The following USH2A variants were observed in gnomAD, a reference collection of about 807,000 sequenced individuals.
USH2A encodes usherin.
In USH2A, 443 loss-of-function variants were observed where a neutral mutation model predicts 538.9. That is an observed-to-expected ratio of 0.82 (90% CI 0.76 to 0.89). The LOEUF (loss-of-function observed/expected upper bound fraction) is 0.89. Among genes scored for constraint, USH2A ranks in the 40% least tolerant of loss-of-function variants. The probability of loss-of-function intolerance (pLI) is 0.00; values close to 1 mark genes in which losing one functional copy is unlikely to be tolerated. For missense variants in USH2A, 6,633 were observed against 6,324.8 expected (o/e 1.05, Z -1.65); for synonymous variants, 2,413 against 2,273.5 (o/e 1.06, Z -1.75).
intron 11 of USH2A, among the ~76,000 whole-genome samples, chr1:216,279,210 A>C (rs1435372784): frequency 6.6e-6 from 1 of 152,128 alleles, no homozygotes; most frequent in Non-Finnish European, 1.5e-5. Flanking sequence ...TGGTTTTCAC[A>C]CAACTTTTTA....
chr1:215,796,249 A>G (rs1337695682), intron 50 of USH2A, among the ~76,000 whole-genome samples: 1 of 151,668 alleles, frequency 6.6e-6, no homozygotes, highest in Admixed American at 6.6e-5. Context: ...GATTTACTGC[A>G]CTTTGCAGAG....
Position 216,046,458 on chromosome 1 carries a change from C to T in USH2A, c.6298G>A (p.Gly2100Ser), listed in dbSNP as rs1253109400. The T allele has an allele frequency of 3.1e-6, 5 of 1,613,578 alleles. No individual in the cohort carries two copies. The highest frequency in any genetic ancestry group is 4.2e-6 in the Non-Finnish European group (5 of 1,179,640). The stretch of plus-strand genomic sequence containing the variant: ...GTGACTATGTAGTTCTCCTCACTGC[C>T]TGAATAGATCAGCCTCCCATCCATG... ...LYMDGRLIYS[G>S]SEENYIVTDL... The change falls in exon 32 of 72, where the codon GGC becomes AGC. Residue 2100 changes from glycine (G) to serine (S), a missense_variant. Gly to Ser is a moderately conservative substitution (Grantham distance 56). Coordinates refer to ENST00000307340, the MANE Select transcript of USH2A (RefSeq NM_206933.4).
At chr1:216,091,343 A>G (rs966883620) in intron 22 of USH2A, among the ~76,000 whole-genome samples, 1 of 152,226 alleles carries the variant, frequency 6.6e-6, no homozygotes, top group Non-Finnish European at 1.5e-5. Flanking sequence ...TATTTAAGGG[A>G]TAAACATAGA....
chr1:216,273,742 T>G (rs946787430), intron 11 of USH2A, among the ~76,000 whole-genome samples: 1 of 151,728 alleles, frequency 6.6e-6, no homozygotes, highest in African/African-American at 2.4e-5. Context: ...CAATTTCTAC[T>G]TAGTTTTGGC....
At chr1:216,184,656 A>G (rs1440799831) in intron 20 of USH2A, among the ~76,000 whole-genome samples, 1 of 151,956 alleles carries the variant, frequency 6.6e-6, no homozygotes, top group African/African-American at 2.4e-5. Flanking sequence ...TTATGAATAA[A>G]AAGGTAGAAA....
intron 38 of USH2A, 162 bp from the exon 39 acceptor site, chr1:215,901,067 C>G: frequency 1.2e-6 from 1 of 862,508 alleles, no homozygotes; most frequent in Non-Finnish European, 1.8e-6. Flanking sequence ...AACTCCTGTA[C>G]TTCCTTATTG....
At chr1:216,337,097 A>G (rs990170288) in intron 4 of USH2A, among the ~76,000 whole-genome samples, 2 of 151,522 alleles carry the variant, frequency 1.3e-5, no homozygotes, top group African/African-American at 4.8e-5. Context: ...AATAGCAGCC[A>G]GAGACAGATC....
intron 55 of USH2A, among the ~76,000 whole-genome samples, chr1:215,772,284 A>T (rs1019762491): frequency 6.6e-6 from 1 of 152,238 alleles, no homozygotes; most frequent in Non-Finnish European, 1.5e-5. Flanking sequence ...TTAATCCTGA[A>T]GTCGAAGAGT....
chr1:215,640,478 G>C lies in USH2A; in HGVS notation c.14968+80C>G, dbSNP rs79812583. 6,968 of 1,575,312 alleles carry C rather than the reference G, an allele frequency of 4.4e-3. 170 individuals carry two copies. In the African/African-American group the frequency reaches 0.069, roughly 16 times the overall value. ...ACATTTTAATGGTGAGCATCTGCTG[G>C]TCAGCTTTCAGATTTAGCATCCCGT... On this transcript the variant is annotated intron_variant, in intron 68 of 71. Coordinates refer to ENST00000307340, the MANE Select transcript of USH2A (RefSeq NM_206933.4).
At chr1:216,209,640 C>T (rs1473715284) in intron 15 of USH2A, among the ~76,000 whole-genome samples, 1 of 151,782 alleles carries the variant, frequency 6.6e-6, no homozygotes, top group Non-Finnish European at 1.5e-5. Context: ...GATATTTATA[C>T]ACCATACACA....
At chr1:216,351,839 CA>C (rs368599423) in intron 4 of USH2A, among the ~76,000 whole-genome samples, 14,528 of 139,016 alleles carry the variant, frequency 0.1, 721 homozygotes, top group Middle Eastern at 0.12. Flanking sequence ...TTTTGCAAAA[CA>C]AAAAAAAAAA....
chr1:216,057,741 G>A (rs1278707724), intron 30 of USH2A, among the ~76,000 whole-genome samples: 2 of 151,906 alleles, frequency 1.3e-5, no homozygotes, highest in Admixed American at 1.3e-4. Flanking sequence ...TTAATTTATG[G>A]TCTACTATAA....
chr1:216,063,926 G>A (rs2031264222), intron 30 of USH2A, among the ~76,000 whole-genome samples: 1 of 152,188 alleles, frequency 6.6e-6, no homozygotes, highest in Non-Finnish European at 1.5e-5. Flanking sequence ...ATGAATGTGT[G>A]CTATACATGC....
chr1:216,300,741 G>GTTTTTT (rs531354825), intron 9 of USH2A, among the ~76,000 whole-genome samples: 3 of 116,574 alleles, frequency 2.6e-5, no homozygotes, highest in African/African-American at 3.2e-5. Context: ...TAGACTCAAT[G>GTTTTTT]TTTTTTTTTT....
intron 61 of USH2A, among the ~76,000 whole-genome samples, chr1:215,682,165 C>T (rs145328003): frequency 3.3e-4 from 50 of 151,978 alleles, no homozygotes; most frequent in African/African-American, 1.2e-3. Context: ...ATTAATAATG[C>T]AAAAAAGAAT....
intron 11 of USH2A, among the ~76,000 whole-genome samples, chr1:216,274,775 C>G (rs1277631403): frequency 6.6e-6 from 1 of 152,000 alleles, no homozygotes; most frequent in Non-Finnish European, 1.5e-5. Flanking sequence ...GGTGTAAAAC[C>G]AAGATGTCTT....
intron 41 of USH2A, among the ~76,000 whole-genome samples, chr1:215,885,471 T>C (rs534562130): frequency 6.6e-6 from 1 of 152,240 alleles, no homozygotes; most frequent in Non-Finnish European, 1.5e-5. Context: ...AGAGCATTTT[T>C]ACCAACCTTA....
chr1:216,350,851 A>C (rs2038268222), intron 4 of USH2A, among the ~76,000 whole-genome samples: 1 of 152,166 alleles, frequency 6.6e-6, no homozygotes, highest in Admixed American at 6.5e-5. Flanking sequence ...GAGGGGACTC[A>C]GTGGAGACTG....
intron 37 of USH2A, among the ~76,000 whole-genome samples, chr1:215,953,981 C>T (rs906573107): frequency 1.3e-5 from 2 of 152,152 alleles, no homozygotes; most frequent in African/African-American, 4.8e-5. Flanking sequence ...CATCACTGGC[C>T]ATGAGAGAAA....
Sources: gnomAD v4.1 joint callset for allele counts (sites outside exome capture counted in the v4.1 genomes callset) on GRCh38, gnomAD v4.1.1 for gene constraint, MANE v1.5 for transcripts, NCBI Gene and HGNC (gene_info 2026-07-23, HGNC 2026-07-21) for gene names.